The following PHF21B variants were observed in gnomAD, a reference collection of about 807,000 sequenced individuals.
PHF21B encodes the protein PHD finger protein 4.
In PHF21B, 22 loss-of-function variants were observed where a neutral mutation model predicts 62.2. The ratio of observed to expected loss-of-function variants is 0.35; its 90% CI spans 0.25 to 0.51. The LOEUF (loss-of-function observed/expected upper bound fraction) is 0.51. Ranked by LOEUF, PHF21B falls within the 20% of genes least tolerant of loss-of-function variation. The pLI, the probability that PHF21B is intolerant of heterozygous loss-of-function variation, is 0.97. For synonymous variants in PHF21B, 341 were observed against 314.7 expected, an observed-to-expected ratio of 1.08 and a Z score of -0.88; for missense variants, 701 against 707.9, an observed-to-expected ratio of 0.99 and a Z score of 0.11.
chr22:44,925,667 G>A (rs1327078988), intron 2 of PHF21B, among the ~76,000 whole-genome samples: 5 of 152,188 alleles, frequency 3.3e-5, no homozygotes, highest in South Asian at 4.1e-4. Flanking sequence ...CCATAACACC[G>A]CCTGCTGCTC....
At chr22:44,931,820 A>G (rs1253627675) in intron 2 of PHF21B, among the ~76,000 whole-genome samples, 3 of 152,120 alleles carry the variant, frequency 2.0e-5, no homozygotes, top group Non-Finnish European at 2.9e-5. Context: ...CAACTGGAAA[A>G]CATACCATCT....
intron 3 of PHF21B, among the ~76,000 whole-genome samples, chr22:44,919,835 C>T (rs993001451): frequency 9.9e-5 from 15 of 152,240 alleles, no homozygotes; most frequent in Admixed American, 3.3e-4. Context: ...CGAAGGAAGC[C>T]GGCACCTGCA....
chr22:44,948,021 C>A (rs928960814), intron 2 of PHF21B, among the ~76,000 whole-genome samples: 26 of 151,756 alleles, frequency 1.7e-4, no homozygotes, highest in Admixed American at 1.4e-3. Context: ...CTCCTCCCCA[C>A]TGCTGTCCCG....
intron 2 of PHF21B, among the ~76,000 whole-genome samples, chr22:44,983,630 A>T: frequency 6.6e-6 from 1 of 152,302 alleles, no homozygotes; most frequent in East Asian, 1.9e-4. Flanking sequence ...AAAGTATTTT[A>T]AAAGACATAA....
At chr22:44,968,460 A>G (rs1569262459) in intron 2 of PHF21B, among the ~76,000 whole-genome samples, 2 of 152,122 alleles carry the variant, frequency 1.3e-5, no homozygotes, top group Non-Finnish European at 2.9e-5. Context: ...CCTGGCCAAC[A>G]TGGCAAAACC....
intron 2 of PHF21B, among the ~76,000 whole-genome samples, chr22:44,965,822 G>A (rs926015549): frequency 1.3e-5 from 2 of 152,142 alleles, no homozygotes; most frequent in African/African-American, 4.8e-5. Context: ...CCTGGGGTTA[G>A]TGCCAGCCAT....
intron 2 of PHF21B, among the ~76,000 whole-genome samples, chr22:44,993,798 C>T (rs1454790582): frequency 6.6e-6 from 1 of 152,200 alleles, no homozygotes; most frequent in East Asian, 1.9e-4. Context: ...CTTTCCTCGC[C>T]ACTGGATGAG....
chr22:44,908,190 G>A (rs943948882), intron 5 of PHF21B, among the ~76,000 whole-genome samples: 5 of 152,128 alleles, frequency 3.3e-5, no homozygotes, highest in Admixed American at 2.6e-4. Flanking sequence ...CTCCAGTGGC[G>A]AGGCTTCACG....
intron 2 of PHF21B, among the ~76,000 whole-genome samples, chr22:44,963,731 C>A (rs1177044032): frequency 6.6e-6 from 1 of 152,214 alleles, no homozygotes. Context: ...CTGAACTCAG[C>A]CCACAGCAGA....
At chr22:44,889,889 C>T in intron 8 of PHF21B, 107 bp from the exon 9 acceptor site, 1 of 1,217,758 alleles carries the variant, frequency 8.2e-7, no homozygotes, top group Non-Finnish European at 1.1e-6. Flanking sequence ...TACCCCAGGG[C>T]ATGATGGGAG....
chr22:44,963,566 A>G (rs577594267), intron 2 of PHF21B, among the ~76,000 whole-genome samples: 1 of 152,356 alleles, frequency 6.6e-6, no homozygotes, highest in African/African-American at 2.4e-5. Flanking sequence ...CTGAAGGACG[A>G]AAGAAGAGAA....
intron 2 of PHF21B, among the ~76,000 whole-genome samples, chr22:44,960,478 T>C (rs1463120313): frequency 6.6e-6 from 1 of 152,190 alleles, no homozygotes; most frequent in East Asian, 1.9e-4. Context: ...GTCACTGCTG[T>C]CTGCACCCAT....
At chr22:44,890,737 G>A (rs1381594798) in intron 8 of PHF21B, among the ~76,000 whole-genome samples, 1 of 152,268 alleles carries the variant, frequency 6.6e-6, no homozygotes, top group East Asian at 1.9e-4. Flanking sequence ...AGGAGGGAGG[G>A]GCCCTGCAGA....
At chr22:44,937,848 C>G (rs372777570) in intron 2 of PHF21B, among the ~76,000 whole-genome samples, 1 of 152,248 alleles carries the variant, frequency 6.6e-6, no homozygotes, top group African/African-American at 2.4e-5. Flanking sequence ...CAGGCCTCCC[C>G]GGACATGAGG....
chr22:45,005,993 C>G (rs761180346), intron 2 of PHF21B, among the ~76,000 whole-genome samples: 2 of 152,134 alleles, frequency 1.3e-5, no homozygotes, highest in African/African-American at 2.4e-5. Context: ...GCTTGTTCAT[C>G]GACCTTTCCC....
At chr22:44,994,060 A>T (rs576554168) in intron 2 of PHF21B, among the ~76,000 whole-genome samples, 14 of 152,330 alleles carry the variant, frequency 9.2e-5, no homozygotes, top group African/African-American at 3.4e-4. Context: ...TGAGAGAAGG[A>T]CAGGGAGCAG....
chr22:44,891,453 G>C, intron 7 of PHF21B, 93 bp from the exon 8 acceptor site: 1 of 1,469,324 alleles, frequency 6.8e-7, no homozygotes, highest in Non-Finnish European at 9.4e-7. Context: ...CTCTGGGACA[G>C]GGTTCCCACC....
chr22:44,956,478 T>C (rs773666986), intron 2 of PHF21B, among the ~76,000 whole-genome samples: 19 of 152,224 alleles, frequency 1.2e-4, no homozygotes, highest in Non-Finnish European at 2.4e-4. Context: ...AATCTAACAG[T>C]CAATGAAATC....
chr22:45,009,432 G>T lies in PHF21B; in HGVS notation c.54+64C>A. ...CCGGAAGAGAGGATGCTGGGCTCGGGTCCCCCGACCCCCTCACCCCGCAAC... is the reference window on the plus strand; with the variant it reads ...CCGGAAGAGAGGATGCTGGGCTCGGTTCCCCCGACCCCCTCACCCCGCAAC... On this transcript the variant is annotated intron_variant, in intron 1 of 12. Coordinates refer to ENST00000313237, the MANE Select transcript of PHF21B (RefSeq NM_138415.5). This position sits in a 1 kb window ranked among gnomAD's most constrained non-coding sequence, Gnocchi z 5.9. 1 of 1,451,664 alleles carries T rather than the reference G, an allele frequency of 6.9e-7. No homozygotes were observed. The highest frequency in any genetic ancestry group is 1.4e-5 in the African/African-American group (1 of 69,362). 89.9% of individuals were successfully genotyped at this position (1,451,664 alleles called of 1,614,324 possible).
Sources: allele counts gnomAD v4.1 joint callset (sites outside exome capture counted in the v4.1 genomes callset), GRCh38; gene constraint gnomAD v4.1.1; non-coding constraint Gnocchi (gnomAD v3.1); transcripts MANE v1.5; gene names NCBI Gene and HGNC (gene_info 2026-07-23, HGNC 2026-07-21).